The following SALL3 variants were observed in gnomAD, a reference collection of about 807,000 sequenced individuals.
SALL3 encodes the protein spalt like transcription factor 3.
Under a neutral mutation model 66.2 loss-of-function variants are expected in SALL3, and 25 were observed. The ratio of observed to expected loss-of-function variants is 0.38; its 90% CI spans 0.28 to 0.53. The LOEUF (loss-of-function observed/expected upper bound fraction) is 0.53. Among genes scored for constraint, SALL3 ranks in the 20% least tolerant of loss-of-function variants. The pLI, the probability that SALL3 is intolerant of heterozygous loss-of-function variation, is 0.85. For missense variants in SALL3, 2,194 were observed against 1,916.5 expected, an observed-to-expected ratio of 1.14 and a Z score of -2.70; for synonymous variants, 1,152 against 899.1, an observed-to-expected ratio of 1.28 and a Z score of -5.03.
chr18:78,995,027 A>G lies in SALL3; in HGVS notation c.3036A>G (p.Arg1012=). 1 of 1,613,836 alleles carries G rather than the reference A, an allele frequency of 6.2e-7. No individual in the cohort carries two copies. The highest frequency in any genetic ancestry group is 1.7e-5 in the Admixed American group (1 of 60,030). The change falls in exon 2 of 3, where the codon CGA becomes CGG. Residue 1012 remains arginine, a synonymous_variant. Transcript: ENST00000537592. ...CATTCGTCTGCGCGCTCTGCAGGCG[A>G]GGGTGCTCCACTATGGGTAATTTAA... ...ERPFVCALCR[R]GCSTMGNLKQ... is the part of the protein sequence containing the mutation.
intron 1 of SALL3, among the ~76,000 whole-genome samples, chr18:78,983,499 C>G (rs1480851001): frequency 2.0e-5 from 3 of 152,084 alleles, no homozygotes; most frequent in African/African-American, 7.2e-5. Context: ...TTTGTTAGCA[C>G]TAATTGCTTC....
intron 1 of SALL3, among the ~76,000 whole-genome samples, chr18:78,990,201 G>A (rs1028040978): frequency 6.6e-6 from 1 of 152,096 alleles, no homozygotes; most frequent in African/African-American, 2.4e-5. Flanking sequence ...CTGTGTCTTT[G>A]CTTCCAGCTA....
At position 78,993,636 on chromosome 18, in the gene SALL3, G is replaced by A; in HGVS notation, c.1645G>A (p.Ala549Thr). Residue 549 changes from alanine to threonine, a missense_variant, in exon 2 of 3, where the codon GCC becomes ACC. Coordinates refer to ENST00000537592, the MANE Select transcript of SALL3 (RefSeq NM_171999.4). ...CGCCGACTCTCCCAGCGCCACCCCA[G>A]CCAGCCGCTCCCCGCAGAGGCCCTC... ...GYADSPSATP[A>T]SRSPQRPSPA... The A allele has an allele frequency of 6.3e-7, 1 of 1,587,182 alleles. No individual in the cohort carries two copies.
rs1914516831 is a variant in SALL3 at position 78,992,975 on chromosome 18, G to A, written c.984G>A (p.Ala328=). The change falls in exon 2 of 3, where the codon GCG becomes GCA. Residue 328 remains alanine, a synonymous_variant. Transcript: ENST00000537592. Reference sequence around the variant, plus strand: ...CCGCTGCCCCCGCCCCGGCGCCAGCGCCGCAGAGCGCAGCCTCGTCGCAGC... The same window carrying A: ...CCGCTGCCCCCGCCCCGGCGCCAGCACCGCAGAGCGCAGCCTCGTCGCAGC... ...PAPAAPAPAP[A]PQSAASSQPQ... 4 of 1,326,332 alleles carry A rather than the reference G, an allele frequency of 3.0e-6. No homozygotes were observed. The highest frequency in any genetic ancestry group is 1.6e-5 in the African/African-American group (1 of 63,302). The allele number at this position is 1,326,332 out of a possible 1,614,324, so 82.2% of individuals were successfully genotyped here. A position where few individuals can be genotyped will look rare whatever the true frequency, so the allele number is the denominator to read the frequency against.
chr18:78,984,414 TTTAAATA>T (rs1914170553), intron 1 of SALL3, among the ~76,000 whole-genome samples: 1 of 6,294 alleles, frequency 1.6e-4, no homozygotes, highest in South Asian at 0.05. Context: ...AAGCATAACT[TTTAAATA>T]TAACAGGAAG....
In SALL3 at chr18:78,993,403, A is replaced by G; in HGVS notation, c.1412A>G (p.Lys471Arg). The G allele has an allele frequency of 6.2e-7, 1 of 1,612,832 alleles. No individual in the cohort carries two copies. The highest frequency in any genetic ancestry group is 1.3e-5 in the African/African-American group (1 of 75,012). Reference protein sequence around the residue: ...GNLKVHFQRHKEKYPHIQMNP... With the variant: ...GNLKVHFQRHREKYPHIQMNP... ...CTGAAGGTGCACTTCCAGAGGCACA[A>G]GGAGAAGTACCCCCACATCCAGATG... Residue 471 changes from lysine to arginine, a missense_variant, in exon 2 of 3, where the codon AAG becomes AGG. Physicochemically the swap from Lys to Arg is conservative, Grantham distance 26. Transcript: ENST00000537592.
At chr18:78,981,672 A>T (rs80120081) in intron 1 of SALL3, among the ~76,000 whole-genome samples, 2 of 152,222 alleles carry the variant, frequency 1.3e-5, no homozygotes, top group Non-Finnish European at 2.9e-5. Flanking sequence ...TGTGTAGCCA[A>T]GTCAGCCAAG....
chr18:78,981,151 G>A (rs1914052494), intron 1 of SALL3, among the ~76,000 whole-genome samples: 1 of 152,236 alleles, frequency 6.6e-6, no homozygotes, highest in South Asian at 2.1e-4. Context: ...CAAAGGGCAG[G>A]CGCCGCGAAA....
intron 1 of SALL3, among the ~76,000 whole-genome samples, chr18:78,986,581 A>G (rs532761920): frequency 6.6e-6 from 1 of 152,374 alleles, no homozygotes; most frequent in South Asian, 2.1e-4. Context: ...TTGCAAGAAA[A>G]TAAGTGTCTC....
intron 1 of SALL3, among the ~76,000 whole-genome samples, chr18:78,980,887 C>T (rs935461129): frequency 5.9e-5 from 9 of 152,180 alleles, no homozygotes; most frequent in Non-Finnish European, 8.8e-5. Flanking sequence ...AGCCTGTGAT[C>T]CCTCGCGAGG....
Position 78,997,325 on chromosome 18 carries a change from A to G in SALL3, c.*3A>G. Reference sequence around the variant, plus strand: ...ACAAGGAGATTGGTATCAACTAGCCAGTGACTCGCTCATCTGCCCTGCCCA... The same window carrying G: ...ACAAGGAGATTGGTATCAACTAGCCGGTGACTCGCTCATCTGCCCTGCCCA... On this transcript the variant is annotated 3_prime_UTR_variant, in exon 3 of 3. Coordinates refer to ENST00000537592, the MANE Select transcript of SALL3 (RefSeq NM_171999.4). 6.2e-7 allele frequency: 1 copy of G among 1,610,614 alleles called. No homozygotes were observed.
chr18:78,995,215 G>T lies in SALL3; in HGVS notation c.3224G>T (p.Gly1075Val). ...GGTCACGGCAAGGCCATGGCGCTGG[G>T]CGAGGGTCCCCCGCTGCCCGCGGGC... ...VNGHGKAMAL[G>V]EGPPLPAGVQ... Residue 1075 changes from glycine (G) to valine (V), a missense_variant, in exon 2 of 3, where the codon GGC (glycine) becomes GTC (valine). Transcript: ENST00000537592. 2 of 1,607,992 alleles carry T rather than the reference G, an allele frequency of 1.2e-6. No individual in the cohort carries two copies. Among genetic ancestry groups the T allele is most frequent in the South Asian group, 1.1e-5 (1 of 91,072 alleles).
In SALL3 at chr18:78,992,082, G is replaced by C. The variant is rs771782881; in HGVS notation, c.91G>C (p.Gly31Arg). 1.3e-6 allele frequency: 2 copies of C among 1,515,860 alleles called. No homozygotes were observed. Among genetic ancestry groups the C allele is most frequent in the Non-Finnish European group, 1.8e-6 (2 of 1,128,764 alleles). The allele number at this position is 1,515,860 out of a possible 1,614,324, so 93.9% of individuals were successfully genotyped here. Residue 31 changes from glycine (G) to arginine (R), a missense_variant, in exon 2 of 3, where the codon GGG becomes CGG. Gly to Arg is a moderately radical substitution (Grantham distance 125). Transcript: ENST00000537592. ...CTCTCTTGGTCTTGCAGCCGCCCCG[G>C]GGGAAGGTGCGGAGGACGCAGACAG... ...PDGAPEHAAP[G>R]EGAEDADSGP...
chr18:78,980,955 G>C (rs1245442799), intron 1 of SALL3, among the ~76,000 whole-genome samples: 1 of 152,234 alleles, frequency 6.6e-6, no homozygotes, highest in Admixed American at 6.5e-5. Flanking sequence ...ATTAAGCTGG[G>C]GGTGAGCGCA....
rs1277276426 is a variant in SALL3, at chr18:78,993,866, C to T, written c.1875C>T (p.Asp625=). ...CTAGCGCTGCACCCACATCGGTGGA[C>T]GGCGCACCCACGAGCCTCGGCAGCC... The part of the protein sequence containing the change: ...AQASAAPTSV[D]GAPTSLGSPG... The change falls in exon 2 of 3, where the codon GAC becomes GAT. Residue 625 remains aspartate, a synonymous_variant. Coordinates refer to ENST00000537592, the MANE Select transcript of SALL3 (RefSeq NM_171999.4). 17 of 1,563,396 alleles carry T rather than the reference C, an allele frequency of 1.1e-5. No homozygotes were observed. Among genetic ancestry groups the T allele is most frequent in the Admixed American group, 1.9e-5 (1 of 53,304 alleles).
chr18:78,990,304 T>C (rs1304204192), intron 1 of SALL3, among the ~76,000 whole-genome samples: 1 of 152,226 alleles, frequency 6.6e-6, no homozygotes, highest in Admixed American at 6.5e-5. Context: ...CTGAATTTAG[T>C]TTAAAAGTCT....
Position 78,993,614 on chromosome 18 carries a change from C to T in SALL3, c.1623C>T (p.Ala541=), listed in dbSNP as rs759296651. The T allele has an allele frequency of 1.1e-5, 18 of 1,584,982 alleles. 1 individual carries two copies. The highest frequency in any genetic ancestry group is 5.6e-5 in the South Asian group (5 of 89,112). Residue 541 remains alanine (A), a synonymous_variant, in exon 2 of 3, where the codon GCC becomes GCT. Coordinates refer to ENST00000537592, the MANE Select transcript of SALL3 (RefSeq NM_171999.4). ...CTGTCCCTGGCGCGCACGGCTACGC[C>T]GACTCTCCCAGCGCCACCCCAGCCA... is the stretch of plus-strand genomic sequence containing the variant. The part of the protein sequence containing the change: ...PPTVPGAHGY[A]DSPSATPASR...
In SALL3 at chr18:78,993,771, A is replaced by T. The variant is rs1914568142; in HGVS notation, c.1780A>T (p.Thr594Ser). 3 of 1,545,550 alleles carry T rather than the reference A, an allele frequency of 1.9e-6. No homozygotes were observed. The highest frequency in any genetic ancestry group is 2.7e-5 in the African/African-American group (2 of 72,934). Residue 594 changes from threonine (T) to serine (S), a missense_variant, in exon 2 of 3, where the codon ACT becomes TCT. Thr to Ser is a moderately conservative substitution (Grantham distance 58). Transcript: ENST00000537592. ...PQSLLGGPPL[T>S]KAEPVSLPCT... ...GTCGCTCCTCGGCGGGCCGCCCCTC[A>T]CTAAAGCCGAGCCCGTCAGCCTGCC...
In SALL3 at chr18:78,997,225, C is replaced by T. The variant is rs770125565; in HGVS notation, c.3806C>T (p.Pro1269Leu). The T allele has an allele frequency of 1.2e-6, 2 of 1,613,932 alleles. No individual in the cohort carries two copies. The highest frequency in any genetic ancestry group is 2.7e-5 in the African/African-American group (2 of 74,924). The change falls in exon 3 of 3, where the codon CCA (proline) becomes CTA (leucine). Residue 1269 changes from proline (P) to leucine (L), a missense_variant. Transcript: ENST00000537592. The part of the protein sequence containing the change: ...GMDKARTGSS[P>L]PIVSLDKASS... ...GACAAAGCACGCACTGGCAGTAGCC[C>T]ACCCATCGTCAGCTTGGACAAAGCG...
Sources: allele counts gnomAD v4.1 joint callset (sites outside exome capture counted in the v4.1 genomes callset), GRCh38; gene constraint gnomAD v4.1.1; transcripts MANE v1.5; gene names NCBI Gene and HGNC (gene_info 2026-07-23, HGNC 2026-07-21).